RHPN1: variants seen among roughly 807,000 people sequenced by gnomAD.
The protein encoded by RHPN1 is rhophilin-1.
Under a neutral mutation model 74.7 loss-of-function variants are expected in RHPN1, and 77 were observed. The ratio of observed to expected loss-of-function variants is 1.03; its 90% confidence interval spans 0.86 to 1.25. The LOEUF is 1.25. Among genes scored for constraint, RHPN1 ranks in the 50% most tolerant of loss-of-function variants. RHPN1 has a pLI of 0.00. For synonymous variants in RHPN1, 444 were observed against 414.5 expected (o/e 1.07, Z -0.87); for missense variants, 987 against 932.2 (o/e 1.06, Z -0.77).
At chr8:143,368,443 G>A (rs1368196714), upstream of RHPN1, 2 of 152,548 alleles carry the variant, frequency 1.3e-5, no homozygotes, top group African/African-American at 4.8e-5. Flanking sequence ...GGGTCCCGTT[G>A]CCGGGGTGAC....
chr8:143,378,622 A>G (rs1242136445), intron 5 of RHPN1, 74 bp from the exon 6 acceptor site: 3 of 1,525,396 alleles, frequency 2.0e-6, no homozygotes, highest in Middle Eastern at 2.2e-4. Flanking sequence ...GCTGGTGCCC[A>G]TGGGACTTCC....
chr8:143,382,073 C>A, intron 14 of RHPN1, 105 bp downstream of exon 14: 1 of 1,190,892 alleles, frequency 8.4e-7, no homozygotes, highest in Non-Finnish European at 1.1e-6. Context: ...GGAGGTGGGG[C>A]TGCAGGTAAC....
rs780936343 is a variant in RHPN1 at position 143,378,343 on chromosome 8, G to T, written c.456G>T (p.Arg152=). The part of the protein sequence containing the change: ...EAEIRELEAL[R]QAMRTPSRNE... ...AAATCAGGGAGCTGGAGGCCCTGCG[G>T]CAGGTGTGTGGTTCCCCCGCCCACC... Residue 152 remains arginine (R), a synonymous_variant, in exon 5 of 15, where the codon CGG becomes CGT. Transcript: ENST00000289013. 1 of 1,548,092 alleles carries T rather than the reference G, an allele frequency of 6.5e-7. No individual in the cohort carries two copies. The highest frequency in any genetic ancestry group is 1.2e-5 in the South Asian group (1 of 84,022).
Position 143,382,520 on chromosome 8 carries a change from T to C in RHPN1, c.1882T>C (p.Trp628Arg), listed in dbSNP as rs1393570719. 7 of 1,610,394 alleles carry C rather than the reference T, an allele frequency of 4.3e-6. No homozygotes were observed. The highest frequency in any genetic ancestry group is 5.9e-6 in the Non-Finnish European group (7 of 1,179,028). ...EHGCKTPAST[W>R]ASPRPLLNWS... ...TGGTTGCAAGACCCCGGCATCCACG[T>C]GGGCCAGTCCCCGGCCCCTCCTCAA... Residue 628 changes from tryptophan to arginine, a missense_variant, in exon 15 of 15, where the codon TGG (tryptophan) becomes CGG (arginine). Trp to Arg is a moderately radical substitution (Grantham distance 101). Coordinates refer to ENST00000289013, the MANE Select transcript of RHPN1 (RefSeq NM_052924.3).
rs1044033503 is a variant in RHPN1, at chr8:143,378,960, C to G, written c.633C>G (p.Phe211Leu). The G allele has an allele frequency of 1.3e-6, 2 of 1,571,344 alleles. No individual in the cohort carries two copies. Among genetic ancestry groups the G allele is most frequent in the East Asian group, 2.4e-5 (1 of 41,970 alleles). Residue 211 changes from phenylalanine (F) to leucine (L), a missense_variant, in exon 7 of 15, where the codon TTC becomes TTG. Phe to Leu is a conservative substitution (Grantham distance 22). Transcript: ENST00000289013. ...CGGCCCAGCAGCGTGCCCTGGCCTT[C>G]GAGAAGGGCAGCGTTCTCTTCAACA... ...GVPAQQRALA[F>L]EKGSVLFNIG...
In RHPN1 at chr8:143,381,796, T is replaced by C; in HGVS notation, c.1636-11T>C. The C allele has an allele frequency of 6.2e-7, 1 of 1,610,844 alleles. No individual in the cohort carries two copies. Among genetic ancestry groups the C allele is most frequent in the African/African-American group, 1.3e-5 (1 of 75,008 alleles). Reference sequence around the variant, plus strand: ...TCCTGTCCCCACCTCACCGTCCAAGTCTCCCCACAGGCGGCTGGCCTGAAG... The same window carrying C: ...TCCTGTCCCCACCTCACCGTCCAAGCCTCCCCACAGGCGGCTGGCCTGAAG... On this transcript the variant is annotated splice_polypyrimidine_tract_variant and intron_variant, in intron 13 of 14. Coordinates refer to ENST00000289013, the MANE Select transcript of RHPN1 (RefSeq NM_052924.3).
At chr8:143,380,268 C>T (rs2130603437) in intron 10 of RHPN1, 93 bp downstream of exon 10, 9 of 901,574 alleles carry the variant, frequency 1.0e-5, no homozygotes, top group Middle Eastern at 3.3e-4. Flanking sequence ...TTGCCACCTG[C>T]TGTCCCCGTG....
intron 5 of RHPN1, 72 bp from the exon 6 acceptor site, chr8:143,378,624 G>T: frequency 6.5e-7 from 1 of 1,532,518 alleles, no homozygotes. Flanking sequence ...TGGTGCCCAT[G>T]GGACTTCCCA....
chr8:143,374,686 G>A (rs1818095442), intron 1 of RHPN1, among the ~76,000 whole-genome samples: 1 of 152,230 alleles, frequency 6.6e-6, no homozygotes, highest in South Asian at 2.1e-4. Context: ...GGGGTTGGGA[G>A]GCCATGGTGA....
chr8:143,377,967 C>T (rs925690767), intron 4 of RHPN1, among the ~76,000 whole-genome samples: 7 of 152,220 alleles, frequency 4.6e-5, no homozygotes, highest in Non-Finnish European at 1.0e-4. Context: ...AATAAGGAAA[C>T]GCACGTAAAA....
At chr8:143,378,144 C>A in intron 4 of RHPN1, 125 bp from the exon 5 acceptor site, 1 of 809,636 alleles carries the variant, frequency 1.2e-6, no homozygotes, top group Non-Finnish European at 2.0e-6. Flanking sequence ...TGCATGGCAG[C>A]CAGCCTGCTC....
intron 1 of RHPN1, among the ~76,000 whole-genome samples, chr8:143,370,551 G>A (rs1162761990): frequency 6.6e-6 from 1 of 152,240 alleles, no homozygotes; most frequent in East Asian, 1.9e-4. Flanking sequence ...TGGGCCTGAG[G>A]CCCTGTGGAC....
In RHPN1 at chr8:143,379,614, G is replaced by T. The variant is rs147789019; in HGVS notation, c.945+106G>T. 1.7e-3 allele frequency: 2,448 copies of T among 1,451,328 alleles called. 42 individuals are homozygous for T. The African/African-American group carries it at 0.03, about 18-fold the overall frequency. 89.9% of individuals were successfully genotyped at this position (1,451,328 alleles called of 1,614,324 possible). On this transcript the variant is annotated intron_variant, in intron 8 of 14. Coordinates refer to ENST00000289013, the MANE Select transcript of RHPN1 (RefSeq NM_052924.3). Reference sequence around the variant, plus strand: ...CTCCCACCTCCTTCCTTGTGTGTCAGCCCCGAGCCAGCTGTTGTCCTGCTC... The same window carrying T: ...CTCCCACCTCCTTCCTTGTGTGTCATCCCCGAGCCAGCTGTTGTCCTGCTC...
In RHPN1 at chr8:143,381,673, C is replaced by T; in HGVS notation, c.1590C>T (p.Asp530=). 6 of 1,611,438 alleles carry T rather than the reference C, an allele frequency of 3.7e-6. No homozygotes were observed. The highest frequency in any genetic ancestry group is 5.1e-6 in the Non-Finnish European group (6 of 1,179,456). Residue 530 remains aspartate (D), a synonymous_variant, in exon 13 of 15, where the codon GAC becomes GAT. Transcript: ENST00000289013. The part of the protein sequence containing the change: ...EGGFGLTLRG[D]SPVLIAAVIP... Reference sequence around the variant, plus strand: ...GCTTTGGCCTCACGCTTCGGGGAGACTCGCCTGTCCTCATCGCTGCCGTCA... The same window carrying T: ...GCTTTGGCCTCACGCTTCGGGGAGATTCGCCTGTCCTCATCGCTGCCGTCA...
Position 143,383,429 on chromosome 8 carries a change from C to A in RHPN1, c.*778C>A, listed in dbSNP as rs1818870491. 1 of 152,386 alleles carries A rather than the reference C, an allele frequency of 6.6e-6. No homozygotes were observed. The highest frequency in any genetic ancestry group is 1.5e-5 in the Non-Finnish European group (1 of 68,172). The allele number at this position is 152,386 out of a possible 1,614,324, so 9.4% of individuals were successfully genotyped here. On this transcript the variant is annotated 3_prime_UTR_variant, in exon 15 of 15. Coordinates refer to ENST00000289013, the MANE Select transcript of RHPN1 (RefSeq NM_052924.3). Reference sequence around the variant, plus strand: ...GCCTGCATGGGCCCCCAGCCCTCCCCAGCCTGCTTGGGCCGCTCCTGCTGG... The same window carrying A: ...GCCTGCATGGGCCCCCAGCCCTCCCAAGCCTGCTTGGGCCGCTCCTGCTGG...
intron 11 of RHPN1, 63 bp downstream of exon 11, chr8:143,380,846 G>A (rs1818675107): frequency 7.6e-7 from 1 of 1,311,940 alleles, no homozygotes; most frequent in Non-Finnish European, 1.0e-6. Context: ...CTTCGTCCTG[G>A]AGAAAGGGAG....
rs776606560 is a variant in RHPN1, at chr8:143,379,348, AT to A, written c.786del (p.His262GlnfsTer7). The A allele has an allele frequency of 3.7e-6, 6 of 1,602,000 alleles. No individual in the cohort carries two copies. The highest frequency in any genetic ancestry group is 5.1e-6 in the Non-Finnish European group (6 of 1,173,682). ...AGCCTCCTGAGGGAGAACTTCTCCC[AT>A]GCGCCGAGCCCAGACATGAGCGCTG... ...AFSLLRENFS[H>X]APSPDMSAAS... On this transcript the variant is annotated frameshift_variant, in exon 8 of 15. Transcript: ENST00000289013. LOFTEE classifies it high-confidence loss of function.
At chr8:143,377,118 G>A (rs1818328128) in intron 3 of RHPN1, among the ~76,000 whole-genome samples, 1 of 151,894 alleles carries the variant, frequency 6.6e-6, no homozygotes, top group Non-Finnish European at 1.5e-5. Flanking sequence ...ATGTGTGTCT[G>A]CATGTGTATG....
intron 1 of RHPN1, among the ~76,000 whole-genome samples, chr8:143,370,416 CG>C: frequency 1.3e-5 from 2 of 152,328 alleles, no homozygotes; most frequent in African/African-American, 4.8e-5. Context: ...AAGTCTTCCC[CG>C]ATGCCTGCTG....
Sources: gnomAD v4.1 joint callset for allele counts (sites outside exome capture counted in the v4.1 genomes callset) on GRCh38, gnomAD v4.1.1 for gene constraint, MANE v1.5 for transcripts, NCBI Gene and HGNC (gene_info 2026-07-23, HGNC 2026-07-21) for gene names.